Variants in CFAP54 observed in about 807,000 individuals in gnomAD.
CFAP54 encodes cilia- and flagella-associated protein 54.
CFAP54 carries 290 observed loss-of-function variants against 370.4 expected under a neutral mutation model. The ratio of observed to expected loss-of-function variants is 0.78; its 90% CI spans 0.71 to 0.86. CFAP54 has a LOEUF of 0.86. Among genes scored for constraint, CFAP54 ranks in the 40% least tolerant of loss-of-function variants. CFAP54 has a pLI of 0.00. For synonymous variants in CFAP54, 1,206 were observed against 1,236.5 expected (o/e 0.98, Z 0.52); for missense variants, 3,399 against 3,528.7 (o/e 0.96, Z 0.93).
intron 65 of CFAP54, among the ~76,000 whole-genome samples, chr12:96,828,268 A>G (rs1291310373): frequency 2.0e-5 from 3 of 151,190 alleles, no homozygotes; most frequent in Non-Finnish European, 4.4e-5. Context: ...TGTCAGTATG[A>G]GTTGAGTATG....
At chr12:96,719,435 GC>G (rs1284978526) in intron 49 of CFAP54, among the ~76,000 whole-genome samples, 1 of 152,128 alleles carries the variant, frequency 6.6e-6, no homozygotes, top group Non-Finnish European at 1.5e-5. Flanking sequence ...TTTATCTTCT[GC>G]CATGTTAGGC....
chr12:96,638,714 T>C (rs1186088346), intron 32 of CFAP54, among the ~76,000 whole-genome samples: 2 of 152,218 alleles, frequency 1.3e-5, no homozygotes, highest in African/African-American at 4.8e-5. Context: ...CTTTGTTTAT[T>C]GATGGTATGT....
rs1374084329 is a variant in CFAP54, at chr12:96,646,423, G to C, written c.4548-1452G>C. 8 of 152,264 alleles carry C rather than the reference G, an allele frequency of 5.3e-5. No homozygotes were observed. In the East Asian group the frequency reaches 1.5e-3, roughly 29 times the overall value. The allele number at this position is 152,264 out of a possible 1,614,324, so 9.4% of individuals were successfully genotyped here. On this transcript the variant is annotated intron_variant, in intron 33 of 67. Transcript: ENST00000524981. ...ATACCATCTCACACCAGTTAGAATG[G>C]CGATCATTAAAAAGTCAGGAAACAA...
Position 96,539,064 on chromosome 12 carries a change from G to GTTTTTTTTTTTTTT in CFAP54, c.1926+559_1926+560insTTTTTTTTTTTTTT, listed in dbSNP as rs1314197505. 6.3e-4 allele frequency among the ~76,000 whole-genome samples: 70 copies of GTTTTTTTTTTTTTT among 111,794 alleles called. 5 individuals are homozygous for GTTTTTTTTTTTTTT. Among genetic ancestry groups the GTTTTTTTTTTTTTT allele is most frequent in the East Asian group, 1.9e-3 (6 of 3,130 alleles). The allele number at this position is 111,794 out of a possible 152,430, so 73.3% of individuals were successfully genotyped here. A position where few individuals can be genotyped will look rare whatever the true frequency, so the allele number is the denominator to read the frequency against. On this transcript the variant is annotated intron_variant, in intron 13 of 67. Transcript: ENST00000524981. ...GAGCCACCACGCCCGGCCTTTTCAG[G>GTTTTTTTTTTTTTT]TTTTTTTTTTTTTGTTTTTGTTTTT...
intron 14 of CFAP54, among the ~76,000 whole-genome samples, chr12:96,542,717 G>A (rs1955590158): frequency 1.3e-5 from 2 of 152,116 alleles, no homozygotes; most frequent in Non-Finnish European, 2.9e-5. Context: ...TAAAACCACA[G>A]TGCCATTATT....
intron 9 of CFAP54, among the ~76,000 whole-genome samples, chr12:96,529,368 C>T (rs981030076): frequency 6.6e-6 from 1 of 152,166 alleles, no homozygotes; most frequent in African/African-American, 2.4e-5. Flanking sequence ...TAAACATCTG[C>T]TATGCATTTC....
chr12:96,648,118 C>A (rs937395522), intron 34 of CFAP54, 101 bp downstream of exon 34: 1 of 822,084 alleles, frequency 1.2e-6, no homozygotes, highest in Non-Finnish European at 1.7e-6. Flanking sequence ...ATGTATACAC[C>A]CAGTTTTCCA....
intron 63 of CFAP54, among the ~76,000 whole-genome samples, chr12:96,806,637 A>G (rs1429821069): frequency 6.6e-6 from 1 of 152,100 alleles, no homozygotes; most frequent in Non-Finnish European, 1.5e-5. Context: ...AGTCATAATA[A>G]AAGCAGAAGC....
At chr12:96,758,449 T>C (rs1271078227) in intron 58 of CFAP54, among the ~76,000 whole-genome samples, 1 of 152,134 alleles carries the variant, frequency 6.6e-6, no homozygotes, top group East Asian at 1.9e-4. Flanking sequence ...TCCTGAGATT[T>C]ATTCACTACC....
rs1454354034 is a variant in CFAP54 at position 96,828,987 on chromosome 12, A to C, written c.9097-27A>C. On this transcript the variant is annotated intron_variant, in intron 65 of 67. Coordinates refer to ENST00000524981, the MANE Select transcript of CFAP54 (RefSeq NM_001306084.2). The stretch of plus-strand genomic sequence containing the variant: ...TTAGGTTTCTAATAATATCAACCTC[A>C]CTGTATTACTATCTTCTTATTTCTA... The C allele has an allele frequency of 5.8e-6, 7 of 1,208,166 alleles. No homozygotes were observed. In the East Asian group the frequency reaches 1.8e-4, roughly 31 times the overall value. 74.8% of individuals were successfully genotyped at this position (1,208,166 alleles called of 1,614,324 possible). A position where few individuals can be genotyped will look rare whatever the true frequency, so the allele number is the denominator to read the frequency against.
In CFAP54 at chr12:96,718,387, A is replaced by T. The variant is rs1957709159; in HGVS notation, c.6725-56A>T. ...ATAAAATAAAATAAACCTAGAATTA[A>T]TATTTAAACTAACCATAGATATCCT... is the stretch of plus-strand genomic sequence containing the variant. On this transcript the variant is annotated intron_variant, in intron 48 of 67. Coordinates refer to ENST00000524981, the MANE Select transcript of CFAP54 (RefSeq NM_001306084.2). The T allele has an allele frequency of 1.3e-5, 11 of 849,778 alleles. No homozygotes were observed. The South Asian group carries it at 1.4e-4, about 11-fold the overall frequency. The allele number at this position is 849,778 out of a possible 1,614,324, so 52.6% of individuals were successfully genotyped here.
intron 66 of CFAP54, among the ~76,000 whole-genome samples, chr12:96,850,099 C>G (rs1959493924): frequency 6.6e-6 from 1 of 151,932 alleles, no homozygotes; most frequent in African/African-American, 2.4e-5. Context: ...GAGAGCACAG[C>G]CGGGCACGGT....
intron 3 of CFAP54, among the ~76,000 whole-genome samples, chr12:96,504,994 TTTTC>T (rs140087516): frequency 0.16 from 24,303 of 148,840 alleles, 2,358 homozygotes; most frequent in East Asian, 0.45. Context: ...TCTTCTTTCT[TTTTC>T]TTTCTTTCTT....
At chr12:96,874,641 T>TTTTTTTTTTC in intron 67 of CFAP54, among the ~76,000 whole-genome samples, 1 of 82,432 alleles carries the variant, frequency 1.2e-5, no homozygotes, top group Non-Finnish European at 2.3e-5. Context: ...TATTTTTTTT[T>TTTTTTTTTTC]TTTTTTGAGA....
intron 5 of CFAP54, 29 bp downstream of exon 5, chr12:96,513,073 C>T (rs1955190632): frequency 7.4e-7 from 1 of 1,359,188 alleles, no homozygotes; most frequent in Non-Finnish European, 9.8e-7. Context: ...AAATATTTTC[C>T]CCTCTATTTC....
chr12:96,648,538 CA>C (rs1472911729), intron 34 of CFAP54, among the ~76,000 whole-genome samples: 1 of 147,412 alleles, frequency 6.8e-6, no homozygotes, highest in Non-Finnish European at 1.5e-5. Context: ...AGTCAGGTGA[CA>C]GGGGGCTCCA....
intron 19 of CFAP54, among the ~76,000 whole-genome samples, chr12:96,569,786 A>G (rs1955896550): frequency 6.6e-6 from 1 of 152,186 alleles, no homozygotes; most frequent in African/African-American, 2.4e-5. Flanking sequence ...GGGTATTAGC[A>G]GTTCTAATAA....
rs1446248246 is a variant in CFAP54, at chr12:96,532,953, GTCT to G, written c.1358-831_1358-829del. On this transcript the variant is annotated intron_variant, in intron 9 of 67. Transcript: ENST00000524981. ...TTTTCTTTCAGCTTCCTCCCTATAG[GTCT>G]TCTTCTTGGTACAGCCAGATTTATT... Among the ~76,000 whole-genome samples the G allele has an allele frequency of 4.6e-5, 7 of 151,952 alleles. No individual in the cohort carries two copies. In the South Asian group the frequency reaches 6.2e-4, roughly 14 times the overall value.
At position 96,693,762 on chromosome 12, in the gene CFAP54, G is replaced by T; in HGVS notation, c.6305G>T (p.Gly2102Val). The T allele has an allele frequency of 6.2e-7, 1 of 1,601,946 alleles. No individual in the cohort carries two copies. Among genetic ancestry groups the T allele is most frequent in the East Asian group, 2.2e-5 (1 of 44,602 alleles). Residue 2102 changes from glycine (G) to valine (V), a missense_variant, in exon 45 of 68, where the codon GGA becomes GTA. Gly to Val is a moderately radical substitution (Grantham distance 109, BLOSUM62 -3). Around this residue, in one of 3 missense-constraint regions of CFAP54, gnomAD observed 2,796 missense variants for 2,869.7 expected, o/e 0.97. Coordinates refer to ENST00000524981, the MANE Select transcript of CFAP54 (RefSeq NM_001306084.2). ...GCATTGTATCAATATTTTGTTTCTG[G>T]AATTTGTCAAGACATAACAAGAAAT... The part of the protein sequence containing the change: ...LLALYQYFVS[G>V]ICQDITRNLE...
Sources: allele counts gnomAD v4.1 joint callset (sites outside exome capture counted in the v4.1 genomes callset), GRCh38; gene constraint gnomAD v4.1.1; regional missense constraint gnomAD v4.1.1; transcripts MANE v1.5; gene names NCBI Gene and HGNC (gene_info 2026-07-23, HGNC 2026-07-21).